Variants in NUP160 observed in about 807,000 individuals in gnomAD.
NUP160 encodes nuclear pore complex protein Nup160.
A neutral mutation model predicts 196.9 loss-of-function variants in NUP160; 94 were observed. That is an observed-to-expected ratio of 0.48 (90% CI 0.40 to 0.57). The LOEUF is 0.57. Among genes scored for constraint, NUP160 ranks in the 20% least tolerant of loss-of-function variants. NUP160 has a pLI of 0.00. For missense variants in NUP160, 1,638 were observed against 1,748.3 expected (o/e 0.94, Z 1.13); for synonymous variants, 605 against 619.7 (o/e 0.98, Z 0.35).
chr11:47,797,954 C>A lies in NUP160; in HGVS notation c.3183+24G>T, dbSNP rs774846874. The stretch of plus-strand genomic sequence containing the variant: ...TGGCAACCACCATACTTGTTGAAAG[C>A]CATCACTGGATAAGTAAAATTACCT... On this transcript the variant is annotated intron_variant, in intron 26 of 35. Transcript: ENST00000378460. 6 of 1,544,672 alleles carry A rather than the reference C, an allele frequency of 3.9e-6. No homozygotes were observed. The East Asian group carries it at 1.4e-4, about 35-fold the overall frequency.
At chr11:47,835,885 A>C in intron 6 of NUP160, 76 bp from the exon 7 acceptor site, 2 of 1,155,116 alleles carry the variant, frequency 1.7e-6, no homozygotes, top group Non-Finnish European at 2.4e-6. Flanking sequence ...GAAAGGATGG[A>C]CCTTTCATTG....
At chr11:47,815,252 A>G in intron 13 of NUP160, 1 of 365,844 alleles carries the variant, frequency 2.7e-6, no homozygotes. Context: ...AAATAAATAC[A>G]ATAAAATACA....
intron 17 of NUP160, among the ~76,000 whole-genome samples, chr11:47,808,965 G>A (rs915867051): frequency 2.6e-5 from 4 of 152,060 alleles, no homozygotes; most frequent in South Asian, 2.1e-4. Flanking sequence ...GCCAGGCATG[G>A]TGGTGGGCGC....
chr11:47,846,097 A>G (rs938326107), intron 2 of NUP160, among the ~76,000 whole-genome samples: 2 of 151,338 alleles, frequency 1.3e-5, no homozygotes, highest in Non-Finnish European at 2.9e-5. Flanking sequence ...AATTGCACCA[A>G]TGCACTCCAG....
chr11:47,818,232 CTTCT>C, intron 10 of NUP160, 108 bp from the exon 11 acceptor site: 2 of 706,192 alleles, frequency 2.8e-6, no homozygotes, highest in Non-Finnish European at 5.1e-6. Flanking sequence ...CCATTTTGCC[CTTCT>C]ATATGTGGGC....
chr11:47,806,996 G>A, intron 19 of NUP160, 74 bp downstream of exon 19: 1 of 1,089,296 alleles, frequency 9.2e-7, no homozygotes, highest in Non-Finnish European at 1.4e-6. Flanking sequence ...GGCAAAGGTG[G>A]CAAAAGACCA....
chr11:47,809,778 A>G (rs1329209431), intron 17 of NUP160, among the ~76,000 whole-genome samples: 1 of 148,018 alleles, frequency 6.8e-6, no homozygotes, highest in African/African-American at 2.5e-5. Flanking sequence ...AAAATTATGG[A>G]CATAAAGGAA....
chr11:47,821,584 T>G (rs1035644621), intron 9 of NUP160, 140 bp downstream of exon 9: 1 of 629,488 alleles, frequency 1.6e-6, no homozygotes, highest in Non-Finnish European at 2.8e-6. Context: ...GGTCTCGAAC[T>G]CCTGAGCTTA....
In NUP160 at chr11:47,848,460, G is replaced by A. The variant is rs957351857; in HGVS notation, c.-40C>T. On this transcript the variant is annotated 5_prime_UTR_variant, in exon 1 of 36. Transcript: ENST00000378460. ...GGCGGCTCCGGCCCTTCGTTGCGAG[G>A]CTTCCACCGGGAGAATGAGGGTGGG... 4 of 1,445,304 alleles carry A rather than the reference G, an allele frequency of 2.8e-6. No homozygotes were observed. The African/African-American group carries it at 5.7e-5, about 20-fold the overall frequency. The allele number at this position is 1,445,304 out of a possible 1,614,324, so 89.5% of individuals were successfully genotyped here.
At chr11:47,847,947 G>A in exon 2 of NUP160, 1 of 1,613,852 alleles carries the variant, frequency 6.2e-7, no homozygotes, top group Non-Finnish European at 8.5e-7. Context: ...GCCAGCCACG[G>A]CATTTGCAGT....
rs767059863 is a variant in NUP160 at position 47,805,135 on chromosome 11, C to CT, written c.2607-518dup. On this transcript the variant is annotated intron_variant, in intron 20 of 35. Coordinates refer to ENST00000378460, the Ensembl canonical transcript of NUP160. ...CAATAAATATTTGTTGAATGAATGT[C>CT]TTTTTTTTTTTTGAGACAGAGTCTC... Among the ~76,000 whole-genome samples the CT allele has an allele frequency of 6.6e-3, 963 of 145,898 alleles. 4 individuals are homozygous for CT. The highest frequency in any genetic ancestry group is 0.02 in the African/African-American group (788 of 40,010).
chr11:47,813,419 G>C lies in NUP160; in HGVS notation c.1687-4C>G. On this transcript the variant is annotated splice_polypyrimidine_tract_variant and splice_region_variant and intron_variant, in intron 13 of 35. Coordinates refer to ENST00000378460, the Ensembl canonical transcript of NUP160. ...GAATAAGGAAAGACAGGTACCCCTGGAAATACAAATTTTCCAGTTACATTT... is the reference window on the plus strand; with the variant it reads ...GAATAAGGAAAGACAGGTACCCCTGCAAATACAAATTTTCCAGTTACATTT... 1.3e-6 allele frequency: 2 copies of C among 1,581,548 alleles called. No homozygotes were observed. Among genetic ancestry groups the C allele is most frequent in the South Asian group, 1.1e-5 (1 of 89,762 alleles).
exon 33 of NUP160, chr11:47,785,048 T>C: frequency 6.6e-7 from 1 of 1,510,548 alleles, no homozygotes. Context: ...ATAGTCGCCA[T>C]GCTTCATCTG....
At chr11:47,840,164 G>T in intron 3 of NUP160, 99 bp from the exon 4 acceptor site, 1 of 945,586 alleles carries the variant, frequency 1.1e-6, no homozygotes, top group Non-Finnish European at 1.6e-6. Context: ...GTAAAAAACT[G>T]TCAAGTTTAA....
intron 11 of NUP160, among the ~76,000 whole-genome samples, chr11:47,817,538 G>C (rs369987848): frequency 1.5e-3 from 229 of 150,440 alleles, no homozygotes; most frequent in African/African-American, 5.2e-3. Context: ...GTAGAGACGG[G>C]GTTTCACCAT....
intron 7 of NUP160, among the ~76,000 whole-genome samples, chr11:47,822,987 G>A (rs1851894944): frequency 6.6e-6 from 1 of 152,138 alleles, no homozygotes; most frequent in African/African-American, 2.4e-5. Context: ...CACTTGGGTT[G>A]GTTCCAAGTC....
rs1249235376 is a variant in NUP160 at position 47,842,294 on chromosome 11, A to C, written c.315-1706T>G. On this transcript the variant is annotated intron_variant, in intron 2 of 35. Coordinates refer to ENST00000378460, the Ensembl canonical transcript of NUP160. ...CCAAGGCACATCTTATCTACTCCCAAGGATGTAAGTACCTTTTCAGCGCTG... is the reference window on the plus strand; with the variant it reads ...CCAAGGCACATCTTATCTACTCCCACGGATGTAAGTACCTTTTCAGCGCTG... Among the ~76,000 whole-genome samples, 3 of 152,052 alleles carry C rather than the reference A, an allele frequency of 2.0e-5. No homozygotes were observed. The South Asian group carries it at 6.2e-4, about 32-fold the overall frequency.
chr11:47,817,319 T>C (rs1851751380), intron 11 of NUP160, among the ~76,000 whole-genome samples: 1 of 151,204 alleles, frequency 6.6e-6, no homozygotes, highest in Non-Finnish European at 1.5e-5. Flanking sequence ...GCTTCTCTTA[T>C]ACAATGAATT....
intron 32 of NUP160, among the ~76,000 whole-genome samples, 160 bp from the exon 33 acceptor site, chr11:47,785,223 C>T (rs992460377): frequency 2.0e-5 from 3 of 151,826 alleles, no homozygotes; most frequent in African/African-American, 2.4e-5. Flanking sequence ...TCACTGCAGC[C>T]TCAGCCCCAG....
Sources: allele counts gnomAD v4.1 joint callset (sites outside exome capture counted in the v4.1 genomes callset), GRCh38; gene constraint gnomAD v4.1.1; transcripts MANE v1.5; gene names NCBI Gene and HGNC (gene_info 2026-07-23, HGNC 2026-07-21).